PCDHA3: variants seen among roughly 807,000 people sequenced by gnomAD.
PCDHA3 encodes the protein protocadherin alpha-3.
In PCDHA3, 41 loss-of-function variants were observed where a neutral mutation model predicts 62.2. The observed-to-expected ratio is 0.66, with a 90% CI of 0.51 to 0.86. The LOEUF (loss-of-function observed/expected upper bound fraction) is 0.86, where lower values mean the gene tolerates loss of function less well. Ranked by LOEUF, PCDHA3 falls within the 40% of genes least tolerant of loss-of-function variation. The pLI is 0.00. For synonymous variants in PCDHA3, 640 were observed against 555.4 expected (o/e 1.15, Z -2.14); for missense variants, 1,304 against 1,241.2 (o/e 1.05, Z -0.76).
At chr5:140,889,267 A>C (rs1376262292) in intron 1 of PCDHA3, among the ~76,000 whole-genome samples, 1 of 151,966 alleles carries the variant, frequency 6.6e-6, no homozygotes. Context: ...AAGTTTGTAT[A>C]ATCTTTGAAT....
chr5:140,853,135 T>C, intron 1 of PCDHA3: 2 of 687,812 alleles, frequency 2.9e-6, no homozygotes, highest in Non-Finnish European at 3.7e-6. Context: ...CGCCTCAGCC[T>C]CCCAAAATGC....
At chr5:140,904,143 T>C (rs1370565805) in intron 1 of PCDHA3, among the ~76,000 whole-genome samples, 1 of 152,136 alleles carries the variant, frequency 6.6e-6, no homozygotes, top group Non-Finnish European at 1.5e-5. Context: ...CCGAGCAGTA[T>C]ACATTGCACC....
chr5:140,850,254 G>C, intron 1 of PCDHA3: 1 of 1,593,786 alleles, frequency 6.3e-7, no homozygotes, highest in Non-Finnish European at 8.6e-7. Flanking sequence ...GTCGGTGGGC[G>C]CCGGCGTAGT....
chr5:140,875,410 ATACC>A (rs1259407256), intron 1 of PCDHA3: 2 of 1,502,000 alleles, frequency 1.3e-6, no homozygotes, highest in Non-Finnish European at 1.8e-6. Context: ...TGCTCATAAA[ATACC>A]TCAGGCAAGC....
intron 1 of PCDHA3, chr5:140,835,707 T>C: frequency 6.2e-7 from 1 of 1,613,858 alleles, no homozygotes; most frequent in Non-Finnish European, 8.5e-7. Context: ...TGCTAGCGTG[T>C]CCGTGGAGGT....
At chr5:140,875,465 T>C (rs1466604223) in intron 1 of PCDHA3, 9 of 1,599,572 alleles carry the variant, frequency 5.6e-6, no homozygotes, top group African/African-American at 1.3e-5. Context: ...AGGCCCTCAT[T>C]TTCTGCAATG....
At chr5:140,856,372 C>T in intron 1 of PCDHA3, 3 of 1,598,462 alleles carry the variant, frequency 1.9e-6, no homozygotes, top group Non-Finnish European at 2.6e-6. Context: ...TGGAGGTGAT[C>T]GTGGACAGGC....
intron 1 of PCDHA3, chr5:140,829,829 C>A: frequency 6.2e-7 from 1 of 1,613,904 alleles, no homozygotes; most frequent in Non-Finnish European, 8.5e-7. Flanking sequence ...AGTGAGCGAG[C>A]TGGTGCCGCG....
At chr5:140,849,605 C>G (rs1469942879) in intron 1 of PCDHA3, 1 of 1,598,466 alleles carries the variant, frequency 6.3e-7, no homozygotes, top group Non-Finnish European at 8.6e-7. Flanking sequence ...CAGTTATTGC[C>G]CTGATTAGTG....
chr5:140,809,505 G>T (rs782212508), intron 1 of PCDHA3: 2 of 1,614,224 alleles, frequency 1.2e-6, no homozygotes, highest in South Asian at 2.2e-5. Flanking sequence ...ATGGCCTTCA[G>T]CCCCAGTTTA....
In PCDHA3 at chr5:140,870,728, C is replaced by G. The variant is rs531202250; in HGVS notation, c.2394+67137C>G. On this transcript the variant is annotated intron_variant, in intron 1 of 3. Transcript: ENST00000522353. Reference sequence around the variant, plus strand: ...GTGAGCGCGCGCGATGCGGGCGTGCCGCCTCTGAGCAGCAACGTGACGCTG... The same window carrying G: ...GTGAGCGCGCGCGATGCGGGCGTGCGGCCTCTGAGCAGCAACGTGACGCTG... The G allele has an allele frequency of 5.0e-6, 8 of 1,613,220 alleles. No individual in the cohort carries two copies. The East Asian group carries it at 6.7e-5, about 13-fold the overall frequency.
intron 1 of PCDHA3, chr5:140,858,764 G>C: frequency 4.4e-6 from 2 of 451,976 alleles, no homozygotes; most frequent in Non-Finnish European, 8.0e-6. Context: ...ACAAATATTT[G>C]TGAGATTAGT....
chr5:140,870,317 C>G lies in PCDHA3; in HGVS notation c.2394+66726C>G, dbSNP rs782216904. On this transcript the variant is annotated intron_variant, in intron 1 of 3. Coordinates refer to ENST00000522353, the MANE Select transcript of PCDHA3 (RefSeq NM_018906.3). ...GTGTCCACCTTCAAGAATTACTACT[C>G]GTTGGTGCTGGACAGCGCCCTGGAC... 122 of 1,614,080 alleles carry G rather than the reference C, an allele frequency of 7.6e-5. No individual in the cohort carries two copies. Among genetic ancestry groups the G allele is most frequent in the Non-Finnish European group, 1.0e-4 (120 of 1,180,036 alleles).
intron 1 of PCDHA3, among the ~76,000 whole-genome samples, chr5:140,908,772 A>G (rs2074146123): frequency 6.6e-6 from 1 of 152,144 alleles, no homozygotes; most frequent in East Asian, 1.9e-4. Flanking sequence ...CGTGTTGTAG[A>G]GTCTTCTCCT....
chr5:140,899,833 G>T (rs2067579431), intron 1 of PCDHA3, among the ~76,000 whole-genome samples: 1 of 152,094 alleles, frequency 6.6e-6, no homozygotes, highest in African/African-American at 2.4e-5. Flanking sequence ...TTTTGAGACA[G>T]GTCTTGCTGT....
chr5:141,010,461 G>C lies in PCDHA3; in HGVS notation c.*524G>C. The C allele has an allele frequency of 1.2e-6, 1 of 823,014 alleles. No individual in the cohort carries two copies. The highest frequency in any genetic ancestry group is 1.8e-6 in the Non-Finnish European group (1 of 553,022). The allele number at this position is 823,014 out of a possible 1,614,324, so 51.0% of individuals were successfully genotyped here. A position where few individuals can be genotyped will look rare whatever the true frequency, so the allele number is the denominator to read the frequency against. On this transcript the variant is annotated 3_prime_UTR_variant, in exon 4 of 4. Coordinates refer to ENST00000522353, the MANE Select transcript of PCDHA3 (RefSeq NM_018906.3). ...GACAAATAAACAGCGGAAGTTATCAGTATGGAGGGGAAGTGTAAACTTAAA... is the reference window on the plus strand; with the variant it reads ...GACAAATAAACAGCGGAAGTTATCACTATGGAGGGGAAGTGTAAACTTAAA...
chr5:140,840,189 G>A (rs2150304475), intron 1 of PCDHA3, among the ~76,000 whole-genome samples: 23 of 152,082 alleles, frequency 1.5e-4, no homozygotes, highest in African/African-American at 5.3e-4. Context: ...AATATGGTAG[G>A]CAAAGGAAAA....
At chr5:140,806,661 A>T (rs932405546) in intron 1 of PCDHA3, among the ~76,000 whole-genome samples, 9 of 146,984 alleles carry the variant, frequency 6.1e-5, no homozygotes, top group East Asian at 2.0e-4. Flanking sequence ...TATCATTAAT[A>T]AAAAAAAACC....
intron 3 of PCDHA3, among the ~76,000 whole-genome samples, 199 bp downstream of exon 3, chr5:140,982,762 TAAC>T (rs1210027762): frequency 6.6e-6 from 1 of 152,130 alleles, no homozygotes; most frequent in Non-Finnish European, 1.5e-5. Context: ...TGAAAAAGGA[TAAC>T]AAGGAAAGTG....
Sources: gnomAD v4.1 joint callset for allele counts (sites outside exome capture counted in the v4.1 genomes callset) on GRCh38, gnomAD v4.1.1 for gene constraint, MANE v1.5 for transcripts, NCBI Gene and HGNC (gene_info 2026-07-23, HGNC 2026-07-21) for gene names.